Variants in GMDS observed in about 807,000 individuals in gnomAD.
The protein encoded by GMDS is GDP-mannose 4,6 dehydratase.
In GMDS, 20 loss-of-function variants were observed where a neutral mutation model predicts 49.9. That is an observed-to-expected ratio of 0.40 (90% CI 0.28 to 0.58). The LOEUF (loss-of-function observed/expected upper bound fraction) is 0.58. GMDS is among the 20% of genes least tolerant of loss of function. The pLI is 0.42. For missense variants in GMDS, 362 were observed against 481.4 expected (o/e 0.75, Z 2.32); for synonymous variants, 177 against 178.6 (o/e 0.99, Z 0.07).
At chr6:2,064,637 C>G (rs926665871) in intron 4 of GMDS, among the ~76,000 whole-genome samples, 2 of 152,140 alleles carry the variant, frequency 1.3e-5, no homozygotes, top group African/African-American at 4.8e-5. Flanking sequence ...GCCAAGTCAC[C>G]CAGGCTCTTG....
intron 1 of GMDS, among the ~76,000 whole-genome samples, chr6:2,169,184 G>A (rs1312693560): frequency 6.6e-6 from 1 of 152,136 alleles, no homozygotes; most frequent in Non-Finnish European, 1.5e-5. Context: ...GACAAATTAA[G>A]AACTGGAAGG....
intron 2 of GMDS, among the ~76,000 whole-genome samples, chr6:2,123,019 C>G (rs1385848140): frequency 6.6e-6 from 1 of 152,216 alleles, no homozygotes; most frequent in Admixed American, 6.5e-5. Flanking sequence ...ATCTGGCAGT[C>G]CTAGGTTCTT....
intron 6 of GMDS, chr6:1,951,901 C>T (rs1763357928): frequency 3.0e-6 from 3 of 985,160 alleles, no homozygotes; most frequent in African/African-American, 1.7e-5. Context: ...TGAGACATTC[C>T]GTTTCCAACT....
intron 7 of GMDS, among the ~76,000 whole-genome samples, chr6:1,793,539 A>G (rs149349600): frequency 1.4e-4 from 21 of 152,314 alleles, no homozygotes; most frequent in Middle Eastern, 3.4e-3. Flanking sequence ...AGCGAATGTC[A>G]TCAACTCCAG....
At chr6:1,967,722 G>T (rs1490890990) in intron 4 of GMDS, among the ~76,000 whole-genome samples, 1 of 152,164 alleles carries the variant, frequency 6.6e-6, no homozygotes, top group Admixed American at 6.5e-5. Context: ...AGCCTCAGGG[G>T]CGAGTAGCAA....
intron 4 of GMDS, among the ~76,000 whole-genome samples, chr6:2,066,909 C>T (rs142880883): frequency 0.013 from 1,923 of 151,928 alleles, 44 homozygotes; most frequent in African/African-American, 0.044. Context: ...CTGCACCAAG[C>T]GGACCTAATA....
intron 7 of GMDS, among the ~76,000 whole-genome samples, chr6:1,906,781 T>A (rs1404259206): frequency 6.6e-6 from 1 of 152,190 alleles, no homozygotes; most frequent in Non-Finnish European, 1.5e-5. Context: ...ATCTGGGAGC[T>A]ATCTTCGGAT....
chr6:1,933,291 T>C (rs1243243758), intron 6 of GMDS, among the ~76,000 whole-genome samples: 1 of 152,250 alleles, frequency 6.6e-6, no homozygotes, highest in Non-Finnish European at 1.5e-5. Flanking sequence ...GAGATGACTA[T>C]CTGTGGTGCC....
At chr6:2,186,955 C>A (rs2127565680) in intron 1 of GMDS, among the ~76,000 whole-genome samples, 1 of 152,286 alleles carries the variant, frequency 6.6e-6, no homozygotes, top group South Asian at 2.1e-4. Flanking sequence ...ATTAGTGATT[C>A]TCTATGTTTA....
chr6:2,142,688 T>G (rs1417095951), intron 1 of GMDS, among the ~76,000 whole-genome samples: 1 of 152,198 alleles, frequency 6.6e-6, no homozygotes, highest in Admixed American at 6.5e-5. Context: ...TCTGTGGTAC[T>G]TTGTTATGGC....
At chr6:2,076,911 G>C (rs144470689) in intron 4 of GMDS, among the ~76,000 whole-genome samples, 170 of 152,244 alleles carry the variant, frequency 1.1e-3, no homozygotes, top group African/African-American at 4.0e-3. Context: ...ATTGACAAAT[G>C]CTATAAATTC....
chr6:1,891,630 G>T (rs186128207), intron 7 of GMDS, among the ~76,000 whole-genome samples: 22 of 152,324 alleles, frequency 1.4e-4, no homozygotes, highest in African/African-American at 5.3e-4. Context: ...TCAAGAAGAG[G>T]ACGAACCGCT....
chr6:2,080,351 T>G (rs1474524880), intron 4 of GMDS, among the ~76,000 whole-genome samples: 1 of 152,222 alleles, frequency 6.6e-6, no homozygotes, highest in Non-Finnish European at 1.5e-5. Context: ...GAAGAATTAT[T>G]GTGTTCCCCT....
chr6:2,075,678 C>T (rs1488116521), intron 4 of GMDS, among the ~76,000 whole-genome samples: 1 of 152,130 alleles, frequency 6.6e-6, no homozygotes, highest in African/African-American at 2.4e-5. Flanking sequence ...TGGGTTGGTT[C>T]CAAGTCTTTG....
rs1345808216 is a variant in GMDS, at chr6:1,836,447, G to T, written c.771+93656C>A. Among the ~76,000 whole-genome samples the T allele has an allele frequency of 6.6e-6, 1 of 152,178 alleles. No individual in the cohort carries two copies. The highest frequency in any genetic ancestry group is 1.9e-4 in the East Asian group (1 of 5,198). On this transcript the variant is annotated intron_variant, in intron 7 of 10. Transcript: ENST00000380815. The surrounding 1 kb of genome is among the most constrained non-coding windows in gnomAD (Gnocchi z 4.2). Reference sequence around the variant, plus strand: ...TGTTGCCTGTTCTAATTTGTTTATGGTTGGATGTCTATCATAGTATTTTCT... The same window carrying T: ...TGTTGCCTGTTCTAATTTGTTTATGTTTGGATGTCTATCATAGTATTTTCT...
intron 1 of GMDS, among the ~76,000 whole-genome samples, chr6:2,151,216 G>A (rs1363373404): frequency 6.6e-6 from 1 of 151,888 alleles, no homozygotes; most frequent in Non-Finnish European, 1.5e-5. Context: ...TTGAGATGAT[G>A]GACATTCCAT....
At chr6:1,915,626 C>T (rs900932903) in intron 7 of GMDS, among the ~76,000 whole-genome samples, 1 of 152,184 alleles carries the variant, frequency 6.6e-6, no homozygotes, top group Non-Finnish European at 1.5e-5. Context: ...CTCTGGCAGC[C>T]ATGTGGGAGG....
At chr6:2,059,366 C>T (rs534852647) in intron 4 of GMDS, among the ~76,000 whole-genome samples, 4 of 151,712 alleles carry the variant, frequency 2.6e-5, no homozygotes, top group South Asian at 4.2e-4. Context: ...CATTATCATC[C>T]GCTTAAGTGA....
intron 1 of GMDS, among the ~76,000 whole-genome samples, chr6:2,243,216 T>C (rs1206189223): frequency 2.0e-5 from 3 of 152,184 alleles, no homozygotes; most frequent in African/African-American, 7.2e-5. Context: ...CAGGGAGTGG[T>C]CTGCTGAGTG....
Sources: allele counts gnomAD v4.1 joint callset (sites outside exome capture counted in the v4.1 genomes callset), GRCh38; gene constraint gnomAD v4.1.1; non-coding constraint Gnocchi (gnomAD v3.1); transcripts MANE v1.5; gene names NCBI Gene and HGNC (gene_info 2026-07-23, HGNC 2026-07-21).